The following ARNT variants were observed in gnomAD, a reference collection of about 807,000 sequenced individuals.
The protein encoded by ARNT is class E basic helix-loop-helix protein 2.
A neutral mutation model predicts 105.0 loss-of-function variants in ARNT; 30 were observed. The observed-to-expected ratio is 0.29, with a 90% CI of 0.21 to 0.39. ARNT has a LOEUF of 0.39. Among genes scored for constraint, ARNT ranks in the 10% least tolerant of loss-of-function variants. The pLI, the probability that ARNT is intolerant of heterozygous loss-of-function variation, is 1.00. For synonymous variants in ARNT, 304 were observed against 344.0 expected (o/e 0.88, Z 1.29); for missense variants, 748 against 978.7 (o/e 0.76, Z 3.15).
intron 19 of ARNT, among the ~76,000 whole-genome samples, chr1:150,815,457 G>A (rs978062991): frequency 6.6e-6 from 1 of 151,654 alleles, no homozygotes. Flanking sequence ...GCTGAGGCAG[G>A]AGAATGGCAT....
chr1:150,857,722 C>T (rs1169654798), intron 2 of ARNT, among the ~76,000 whole-genome samples: 1 of 152,178 alleles, frequency 6.6e-6, no homozygotes, highest in Non-Finnish European at 1.5e-5. Flanking sequence ...TTTCCATACA[C>T]AGAAAAACAT....
intron 14 of ARNT, among the ~76,000 whole-genome samples, chr1:150,822,015 G>A (rs12118433): frequency 6.6e-6 from 1 of 151,340 alleles, no homozygotes; most frequent in Non-Finnish European, 1.5e-5. Context: ...TTTTATAATA[G>A]ATTTGTATAT....
chr1:150,865,370 TG>T (rs1666390092), intron 1 of ARNT, among the ~76,000 whole-genome samples: 1 of 152,172 alleles, frequency 6.6e-6, no homozygotes, highest in Non-Finnish European at 1.5e-5. Flanking sequence ...ACTATTGCCT[TG>T]GGAGATCGAC....
rs10305719 is a variant in ARNT at position 150,826,229 on chromosome 1, T to C, written c.1242+314A>G. 1.1e-3 allele frequency among the ~76,000 whole-genome samples: 171 copies of C among 152,186 alleles called. 2 individuals carry two copies. Among genetic ancestry groups the C allele is most frequent in the African/African-American group, 3.9e-3 (164 of 41,544 alleles). On this transcript the variant is annotated intron_variant, in intron 13 of 21. Transcript: ENST00000358595. Reference sequence around the variant, plus strand: ...CATGCCCAGACGAGGAAAACATCTATTTTCACAGCATCTACAGAGGTTGGG... The same window carrying C: ...CATGCCCAGACGAGGAAAACATCTACTTTCACAGCATCTACAGAGGTTGGG...
At chr1:150,835,240 T>C (rs964825108) in intron 7 of ARNT, among the ~76,000 whole-genome samples, 4 of 151,998 alleles carry the variant, frequency 2.6e-5, no homozygotes, top group Non-Finnish European at 4.4e-5. Flanking sequence ...TTCTTTATTA[T>C]ACAGAAACGA....
intron 7 of ARNT, 37 bp downstream of exon 7, chr1:150,836,243 G>T: frequency 6.3e-7 from 1 of 1,583,314 alleles, no homozygotes; most frequent in South Asian, 1.1e-5. Context: ...AAACAAGAAA[G>T]GACTTCTCAT....
chr1:150,836,099 C>T (rs587625714), intron 7 of ARNT, among the ~76,000 whole-genome samples, 181 bp downstream of exon 7: 23 of 152,146 alleles, frequency 1.5e-4, no homozygotes, highest in African/African-American at 5.5e-4. Flanking sequence ...TTTTCTAAGG[C>T]TGAGCCACAA....
At chr1:150,832,614 T>C (rs1659543441) in intron 8 of ARNT, among the ~76,000 whole-genome samples, 1 of 152,194 alleles carries the variant, frequency 6.6e-6, no homozygotes, top group Admixed American at 6.5e-5. Context: ...ATGCAAACAT[T>C]CTCAACATCA....
At chr1:150,875,837 C>T (rs1668154148) in intron 1 of ARNT, among the ~76,000 whole-genome samples, 2 of 152,156 alleles carry the variant, frequency 1.3e-5, no homozygotes, top group East Asian at 3.9e-4. Flanking sequence ...TCGACGTAGG[C>T]CTAACAAGAT....
At chr1:150,874,836 C>T (rs1668010791) in intron 1 of ARNT, among the ~76,000 whole-genome samples, 1 of 152,162 alleles carries the variant, frequency 6.6e-6, no homozygotes, top group South Asian at 2.1e-4. Flanking sequence ...AAGGATTCTG[C>T]ACACACACAT....
At chr1:150,867,108 G>C (rs1042939429) in intron 1 of ARNT, among the ~76,000 whole-genome samples, 2 of 151,940 alleles carry the variant, frequency 1.3e-5, no homozygotes, top group Non-Finnish European at 2.9e-5. Flanking sequence ...AGAGGCTGAG[G>C]CACAAAAATC....
chr1:150,856,484 C>T (rs912107399), intron 2 of ARNT, among the ~76,000 whole-genome samples: 8 of 151,678 alleles, frequency 5.3e-5, no homozygotes, highest in African/African-American at 1.5e-4. Context: ...AATATTAGGC[C>T]GGGCATGGTG....
chr1:150,876,598 C>CCG lies in ARNT; in HGVS notation c.-32_-31insCG, dbSNP rs1247640344. 4.0e-6 allele frequency: 5 copies of CCG among 1,249,482 alleles called. No individual in the cohort carries two copies. The East Asian group carries it at 1.6e-4, about 40-fold the overall frequency. 77.4% of individuals were successfully genotyped at this position (1,249,482 alleles called of 1,614,324 possible). A position where few individuals can be genotyped will look rare whatever the true frequency, so the allele number is the denominator to read the frequency against. On this transcript the variant is annotated 5_prime_UTR_variant, in exon 1 of 22. Transcript: ENST00000358595. ...CAGATGCCACCGCCGCCGCGCCACC[C>CCG]CCCCCCCCAGTGGGAGGAGCCGCCG...
intron 13 of ARNT, among the ~76,000 whole-genome samples, chr1:150,825,929 T>G (rs1311839462): frequency 1.3e-5 from 2 of 151,948 alleles, no homozygotes; most frequent in African/African-American, 2.4e-5. Flanking sequence ...TCTTTTTTTT[T>G]TTGAGACAGA....
At chr1:150,822,392 A>G (rs1280187670) in intron 14 of ARNT, among the ~76,000 whole-genome samples, 6 of 152,152 alleles carry the variant, frequency 3.9e-5, no homozygotes, top group Non-Finnish European at 7.3e-5. Flanking sequence ...CTAACCCTCA[A>G]CCTCATGGAG....
chr1:150,866,264 T>G (rs1300058096), intron 1 of ARNT, among the ~76,000 whole-genome samples: 1 of 56,978 alleles, frequency 1.8e-5, no homozygotes, highest in East Asian at 4.5e-4. Flanking sequence ...ATTACAGGCG[T>G]GAGCCACCAA....
At chr1:150,865,828 G>C (rs1666476719) in intron 1 of ARNT, among the ~76,000 whole-genome samples, 1 of 152,096 alleles carries the variant, frequency 6.6e-6, no homozygotes, top group South Asian at 2.1e-4. Flanking sequence ...CCTACTGGTA[G>C]AGCCTATCTT....
intron 12 of ARNT, among the ~76,000 whole-genome samples, chr1:150,827,526 A>C (rs1358377639): frequency 1.3e-5 from 2 of 152,238 alleles, no homozygotes; most frequent in Admixed American, 1.3e-4. Flanking sequence ...TTTTATGCTC[A>C]GTAGTATTCT....
At chr1:150,848,495 G>A (rs918742170) in intron 3 of ARNT, among the ~76,000 whole-genome samples, 3 of 151,622 alleles carry the variant, frequency 2.0e-5, no homozygotes, top group Admixed American at 1.3e-4. Context: ...AAAGTAAAAC[G>A]AAGATGTGCT....
Sources: allele counts gnomAD v4.1 joint callset (sites outside exome capture counted in the v4.1 genomes callset), GRCh38; gene constraint gnomAD v4.1.1; transcripts MANE v1.5; gene names NCBI Gene and HGNC (gene_info 2026-07-23, HGNC 2026-07-21).